ERC1: variants seen among roughly 807,000 people sequenced by gnomAD.
ERC1 encodes the protein RAB6 interacting protein 2.
Under a neutral mutation model 132.0 loss-of-function variants are expected in ERC1, and 56 were observed. The ratio of observed to expected loss-of-function variants is 0.42; its 90% confidence interval spans 0.34 to 0.53. The LOEUF is 0.53. Ranked by LOEUF, ERC1 falls within the 20% of genes least tolerant of loss-of-function variation. The pLI is 0.03. For synonymous variants in ERC1, 478 were observed against 476.1 expected (o/e 1.00, Z -0.05); for missense variants, 1,202 against 1,349.9 (o/e 0.89, Z 1.72).
intron 12 of ERC1, among the ~76,000 whole-genome samples, chr12:1,196,840 C>CTG (rs1956301832): frequency 7.8e-6 from 1 of 128,848 alleles, no homozygotes; most frequent in Non-Finnish European, 1.7e-5. Flanking sequence ...CTGTCTGTCT[C>CTG]TCTGTCTGTC....
At chr12:1,310,523 C>A (rs975160831) in intron 15 of ERC1, among the ~76,000 whole-genome samples, 3 of 152,124 alleles carry the variant, frequency 2.0e-5, no homozygotes, top group Admixed American at 1.3e-4. Context: ...TTAAACAGTT[C>A]TTGATCAGTA....
intron 18 of ERC1, among the ~76,000 whole-genome samples, chr12:1,489,102 GT>G (rs1565542591): frequency 6.6e-6 from 1 of 152,196 alleles, no homozygotes; most frequent in African/African-American, 2.4e-5. Context: ...CCTCGCGTGT[GT>G]TTTCAGCTCC....
intron 14 of ERC1, among the ~76,000 whole-genome samples, chr12:1,265,645 A>G (rs2077432454): frequency 1.3e-5 from 2 of 152,214 alleles, no homozygotes; most frequent in African/African-American, 4.8e-5. Flanking sequence ...TGCCAAATGT[A>G]TAATGACATG....
chr12:1,167,809 T>C (rs145874244), intron 8 of ERC1, among the ~76,000 whole-genome samples: 7,144 of 151,502 alleles, frequency 0.047, 237 homozygotes, highest in African/African-American at 0.09. Context: ...CTCCGCCTCC[T>C]GGGTTCCAGC....
At chr12:1,146,532 G>A (rs920424784) in intron 8 of ERC1, among the ~76,000 whole-genome samples, 4 of 150,836 alleles carry the variant, frequency 2.7e-5, no homozygotes, top group African/African-American at 9.7e-5. Context: ...AACAATGATA[G>A]TTTGACTTCC....
At chr12:1,275,263 C>T (rs932328122) in intron 14 of ERC1, among the ~76,000 whole-genome samples, 20 of 151,874 alleles carry the variant, frequency 1.3e-4, no homozygotes, top group Admixed American at 8.5e-4. Flanking sequence ...TGAGGCAGGT[C>T]GATCACCTGA....
intron 13 of ERC1, among the ~76,000 whole-genome samples, chr12:1,238,302 C>T (rs2075564647): frequency 6.6e-6 from 1 of 151,900 alleles, no homozygotes; most frequent in African/African-American, 2.4e-5. Context: ...ATTTAAATCT[C>T]TCTTCCATTG....
chr12:1,393,606 ACG>A lies in ERC1; in HGVS notation c.2926-14542_2926-14541del, dbSNP rs1491302454. Among the ~76,000 whole-genome samples the A allele has an allele frequency of 1.1e-4, 8 of 73,572 alleles. No homozygotes were observed. In the Admixed American group the frequency reaches 1.1e-3, roughly 10 times the overall value. 48.3% of individuals were successfully genotyped at this position (73,572 alleles called of 152,430 possible). A position where few individuals can be genotyped will look rare whatever the true frequency, so the allele number is the denominator to read the frequency against. ...TTTTTTTTTCCTTTAGAGAGAACAC[ACG>A]TGTGTGTGTGTGTGTGTGTGTGTGT... is the stretch of plus-strand genomic sequence containing the variant. On this transcript the variant is annotated intron_variant, in intron 16 of 18. Coordinates refer to ENST00000360905, the MANE Select transcript of ERC1 (RefSeq NM_178040.4).
chr12:1,084,972 C>A (rs7955130), intron 3 of ERC1, among the ~76,000 whole-genome samples: 1 of 49,754 alleles, frequency 2.0e-5, no homozygotes, highest in Non-Finnish European at 5.3e-5. Context: ...AAAGTGCTGA[C>A]ATTACAGGCA....
At chr12:1,477,322 T>C (rs2093994294) in intron 18 of ERC1, among the ~76,000 whole-genome samples, 1 of 152,228 alleles carries the variant, frequency 6.6e-6, no homozygotes, top group Non-Finnish European at 1.5e-5. Context: ...CCCAGTAAGT[T>C]AGTTGCTGTT....
At chr12:1,355,726 G>A (rs928665002) in intron 15 of ERC1, among the ~76,000 whole-genome samples, 3 of 152,174 alleles carry the variant, frequency 2.0e-5, no homozygotes, top group Non-Finnish European at 4.4e-5. Context: ...ACTGGTCACA[G>A]ACAGAATGGT....
intron 8 of ERC1, among the ~76,000 whole-genome samples, chr12:1,175,890 C>T (rs1420872888): frequency 1.3e-5 from 2 of 152,192 alleles, no homozygotes; most frequent in African/African-American, 4.8e-5. Context: ...CGTCAGGCTC[C>T]ACTTCTAATT....
rs192562462 is a variant in ERC1 at position 1,128,785 on chromosome 12, C to T, written c.1569+12752C>T. ...CAAAGGTACTGTAAATAAAACCAACCGGGTTATAAAAGATCAAAACAGGAT... is the reference window on the plus strand; with the variant it reads ...CAAAGGTACTGTAAATAAAACCAACTGGGTTATAAAAGATCAAAACAGGAT... On this transcript the variant is annotated intron_variant, in intron 7 of 18. Transcript: ENST00000360905. Among the ~76,000 whole-genome samples, 26 of 151,816 alleles carry T rather than the reference C, an allele frequency of 1.7e-4. No individual in the cohort carries two copies. In the East Asian group the frequency reaches 3.9e-3, roughly 23 times the overall value.
At chr12:1,434,569 C>T (rs2092899053) in intron 17 of ERC1, among the ~76,000 whole-genome samples, 1 of 152,184 alleles carries the variant, frequency 6.6e-6, no homozygotes, top group Non-Finnish European at 1.5e-5. Context: ...TGCGCTCATT[C>T]CATTTCCCAC....
At chr12:1,071,694 A>G (rs1940390913) in intron 2 of ERC1, among the ~76,000 whole-genome samples, 1 of 152,110 alleles carries the variant, frequency 6.6e-6, no homozygotes, top group Non-Finnish European at 1.5e-5. Context: ...CATATGATAC[A>G]ATGTTCTCTT....
intron 18 of ERC1, among the ~76,000 whole-genome samples, chr12:1,458,684 A>G (rs899567478): frequency 6.6e-6 from 1 of 152,158 alleles, no homozygotes; most frequent in African/African-American, 2.4e-5. Context: ...GATTACAGGC[A>G]TGCGCCACCA....
intron 16 of ERC1, among the ~76,000 whole-genome samples, chr12:1,375,554 C>G (rs1209777490): frequency 6.6e-6 from 1 of 152,108 alleles, no homozygotes; most frequent in Non-Finnish European, 1.5e-5. Flanking sequence ...TTTACCCATT[C>G]ACTTCAGATT....
In ERC1 at chr12:1,289,120, C is replaced by T. The variant is rs1428636735; in HGVS notation, c.2620-732C>T. 2.8e-5 allele frequency among the ~76,000 whole-genome samples: 4 copies of T among 142,740 alleles called. 1 individual carries two copies. The highest frequency in any genetic ancestry group is 7.0e-5 in the Admixed American group (1 of 14,360). The allele number at this position is 142,740 out of a possible 152,430, so 93.6% of individuals were successfully genotyped here. A position where few individuals can be genotyped will look rare whatever the true frequency, so the allele number is the denominator to read the frequency against. ...ACACACACACACACACACACACACACACACACACACATAACTATATAGGTA... is the reference window on the plus strand; with the variant it reads ...ACACACACACACACACACACACACATACACACACACATAACTATATAGGTA... On this transcript the variant is annotated intron_variant, in intron 14 of 18. Coordinates refer to ENST00000360905, the MANE Select transcript of ERC1 (RefSeq NM_178040.4).
At chr12:1,180,471 G>T in intron 8 of ERC1, 69 bp from the exon 9 acceptor site, 1 of 1,434,752 alleles carries the variant, frequency 7.0e-7, no homozygotes, top group Non-Finnish European at 9.7e-7. Flanking sequence ...AAATTGAAAT[G>T]ATTTTGATTG....
Sources: allele counts gnomAD v4.1 joint callset (sites outside exome capture counted in the v4.1 genomes callset), GRCh38; gene constraint gnomAD v4.1.1; transcripts MANE v1.5; gene names NCBI Gene and HGNC (gene_info 2026-07-23, HGNC 2026-07-21).